PSMD10: variants seen among roughly 807,000 people sequenced by gnomAD.
PSMD10 encodes proteasome 26S subunit, non-ATPase 10.
In PSMD10, 2 loss-of-function variants were observed where a neutral mutation model predicts 13.2. That is an observed-to-expected ratio of 0.15 (90% CI 0.06 to 0.48). The LOEUF is 0.48. PSMD10 is among the 20% of genes least tolerant of loss of function. PSMD10 has a pLI of 0.97. For missense variants in PSMD10, 120 were observed against 167.4 expected, an observed-to-expected ratio of 0.72 and a Z score of 1.56; for synonymous variants, 66 against 64.4, an observed-to-expected ratio of 1.03 and a Z score of -0.12.
intron 1 of PSMD10, 27 bp downstream of exon 1, chrX:108,091,380 C>G (rs1188174466): frequency 5.0e-6 from 6 of 1,191,206 alleles, no homozygotes; most frequent in Non-Finnish European, 6.8e-6. Flanking sequence ...ACGTCGCCGA[C>G]TGCGGAGAGA....
chrX:108,085,429 A>T (rs1446741555), intron 4 of PSMD10, among the ~76,000 whole-genome samples: 1 of 112,664 alleles, frequency 8.9e-6, no homozygotes, highest in Admixed American at 9.4e-5. Context: ...TGTTTACCTC[A>T]AACACTACAT....
chrX:108,088,325 T>C (rs2031523478), intron 2 of PSMD10, among the ~76,000 whole-genome samples: 1 of 112,488 alleles, frequency 8.9e-6, no homozygotes, highest in Non-Finnish European at 1.9e-5. Context: ...ATTCAGGCCA[T>C]GTTCACCAAA....
intron 1 of PSMD10, among the ~76,000 whole-genome samples, chrX:108,090,538 T>C (rs1400585238): frequency 8.9e-6 from 1 of 111,978 alleles, no homozygotes; most frequent in Non-Finnish European, 1.9e-5. Context: ...TAAAGGAAAG[T>C]TCCAGAAAAG....
chrX:108,089,418 T>C (rs768749462), intron 1 of PSMD10, among the ~76,000 whole-genome samples: 16 of 112,149 alleles, frequency 1.4e-4, no homozygotes, highest in Admixed American at 3.8e-4. Context: ...ATGAATCTAA[T>C]GGGGGAAGAA....
At chrX:108,090,738 CAGG>C (rs897980258) in intron 1 of PSMD10, among the ~76,000 whole-genome samples, 3 of 112,295 alleles carry the variant, frequency 2.7e-5, no homozygotes, top group African/African-American at 6.5e-5. Flanking sequence ...GTCCTGTGAG[CAGG>C]AGGGCAGAAA....
At position 108,087,856 on chromosome X, in the gene PSMD10, G is replaced by A. The variant is rs759554506; in HGVS notation, c.361-4C>T. The A allele has an allele frequency of 4.1e-6, 5 of 1,209,972 alleles. No individual in the cohort carries two copies. The African/African-American group carries it at 8.7e-5, about 21-fold the overall frequency. Reference sequence around the variant, plus strand: ...CTTCCAGTAACATGACAGCGATCTGGAAAGATGGAGAAGAAAGAAGAAAAC... The same window carrying A: ...CTTCCAGTAACATGACAGCGATCTGAAAAGATGGAGAAGAAAGAAGAAAAC... On this transcript the variant is annotated splice_polypyrimidine_tract_variant and splice_region_variant and intron_variant, in intron 3 of 4. Coordinates refer to ENST00000217958, the MANE Select transcript of PSMD10 (RefSeq NM_002814.4).
intron 1 of PSMD10, 111 bp downstream of exon 1, chrX:108,091,296 G>A (rs1204238691): frequency 2.9e-6 from 2 of 698,258 alleles, no homozygotes; most frequent in Non-Finnish European, 4.5e-6. Flanking sequence ...GGGCGGCGGG[G>A]GCGGGGTTCT....
chrX:108,085,870 T>C (rs181102867), intron 4 of PSMD10, among the ~76,000 whole-genome samples: 6 of 111,808 alleles, frequency 5.4e-5, no homozygotes, highest in Non-Finnish European at 5.6e-5. Flanking sequence ...ATATTGTTAG[T>C]AAGTGGTAGA....
chrX:108,086,392 C>A (rs2031497783), intron 4 of PSMD10, among the ~76,000 whole-genome samples: 1 of 112,163 alleles, frequency 8.9e-6, no homozygotes, highest in African/African-American at 3.2e-5. Context: ...TAAGGAAGAG[C>A]TTTCTAGTCA....
intron 4 of PSMD10, chrX:108,087,443 G>C (rs2031510483): frequency 2.9e-6 from 1 of 343,071 alleles, no homozygotes; most frequent in Non-Finnish European, 4.8e-6. Context: ...AAATATGTAT[G>C]TATAAAATAT....
intron 1 of PSMD10, among the ~76,000 whole-genome samples, chrX:108,089,160 C>T (rs1466825629): frequency 1.8e-5 from 2 of 112,469 alleles, no homozygotes; most frequent in Non-Finnish European, 3.7e-5. Flanking sequence ...ACATTATTTA[C>T]GTACTTTTAT....
In PSMD10 at chrX:108,084,946, A is replaced by C. The variant is rs529352825; in HGVS notation, c.*28T>G. On this transcript the variant is annotated 3_prime_UTR_variant, in exon 5 of 5. Coordinates refer to ENST00000217958, the MANE Select transcript of PSMD10 (RefSeq NM_002814.4). Reference sequence around the variant, plus strand: ...AGGACACTGGGGACAACAACACAACATACAAAGTAAGAATAAATCCAAGCT... The same window carrying C: ...AGGACACTGGGGACAACAACACAACCTACAAAGTAAGAATAAATCCAAGCT... 651 of 1,173,017 alleles carry C rather than the reference A, an allele frequency of 5.5e-4. 4 individuals are homozygous for C. The South Asian group carries it at 0.012, about 23-fold the overall frequency.
At chrX:108,086,110 T>C (rs754557066) in intron 4 of PSMD10, among the ~76,000 whole-genome samples, 1 of 112,068 alleles carries the variant, frequency 8.9e-6, no homozygotes, top group Non-Finnish European at 1.9e-5. Context: ...TAAAGTCAAA[T>C]TGGAAAAGGC....
chrX:108,087,429 TA>T, intron 4 of PSMD10: 1 of 296,790 alleles, frequency 3.4e-6, no homozygotes, highest in Non-Finnish European at 5.7e-6. Flanking sequence ...CCAATTTTGC[TA>T]AAAAATATGT....
intron 2 of PSMD10, chrX:108,088,354 A>C (rs766247219): frequency 2.0e-5 from 7 of 355,838 alleles, no homozygotes; most frequent in Non-Finnish European, 1.9e-5. Context: ...AATCCAACAT[A>C]ATAGAAAGAG....
chrX:108,088,213 A>G, intron 2 of PSMD10, 114 bp from the exon 3 acceptor site: 1 of 745,545 alleles, frequency 1.3e-6, no homozygotes, highest in Non-Finnish European at 1.9e-6. Context: ...ATTTGCCTAC[A>G]AAAAAGGTTC....
intron 4 of PSMD10, chrX:108,087,419 C>T (rs2031509793): frequency 3.7e-6 from 1 of 269,045 alleles, no homozygotes; most frequent in African/African-American, 2.8e-5. Context: ...CAGTATGACC[C>T]CAATTTTGCT....
intron 3 of PSMD10, 48 bp downstream of exon 3, chrX:108,087,904 TG>T: frequency 2.5e-6 from 3 of 1,211,711 alleles, no homozygotes; most frequent in Non-Finnish European, 3.4e-6. Context: ...TATCTGTGTT[TG>T]TATACACGTT....
chrX:108,088,970 G>A, intron 1 of PSMD10, 120 bp from the exon 2 acceptor site: 1 of 489,047 alleles, frequency 2.0e-6, no homozygotes, highest in Middle Eastern at 3.7e-4. Flanking sequence ...TGGATCCTCA[G>A]GTAGGTAACC....
Sources: allele counts gnomAD v4.1 joint callset (sites outside exome capture counted in the v4.1 genomes callset), GRCh38; gene constraint gnomAD v4.1.1; transcripts MANE v1.5; gene names NCBI Gene and HGNC (gene_info 2026-07-23, HGNC 2026-07-21).